CPPED1: variants seen among roughly 807,000 people sequenced by gnomAD.
CPPED1 encodes the protein serine/threonine-protein phosphatase CPPED1.
CPPED1 carries 28 observed loss-of-function variants against 28.0 expected under a neutral mutation model. The observed-to-expected ratio is 1.00, with a 90% confidence interval of 0.74 to 1.37. The LOEUF (loss-of-function observed/expected upper bound fraction) is 1.37, where lower values mean the gene tolerates loss of function less well. Ranked by LOEUF, CPPED1 falls within the 40% of genes most tolerant of loss-of-function variation. The probability of loss-of-function intolerance (pLI) is 0.00; values close to 1 mark genes in which losing one functional copy is unlikely to be tolerated. For missense variants in CPPED1, 504 were observed against 416.5 expected (o/e 1.21, Z -1.83); for synonymous variants, 198 against 180.2 (o/e 1.10, Z -0.79).
At chr16:12,718,141 A>G (rs902858711) in intron 2 of CPPED1, among the ~76,000 whole-genome samples, 2 of 152,192 alleles carry the variant, frequency 1.3e-5, no homozygotes, top group Admixed American at 6.5e-5. Context: ...ATGAATTTCA[A>G]TGTTGAGATA....
intron 3 of CPPED1, among the ~76,000 whole-genome samples, chr16:12,689,674 G>A (rs775154677): frequency 1.3e-5 from 2 of 152,044 alleles, no homozygotes; most frequent in Non-Finnish European, 2.9e-5. Context: ...TCACAAAGCC[G>A]AAGGAAACGA....
intron 2 of CPPED1, among the ~76,000 whole-genome samples, chr16:12,748,198 T>G (rs1351858188): frequency 1.3e-5 from 2 of 152,220 alleles, no homozygotes; most frequent in Non-Finnish European, 2.9e-5. Context: ...AGCAAAAGGC[T>G]GAAAACAACC....
chr16:12,711,855 T>C (rs1192108346), intron 2 of CPPED1, among the ~76,000 whole-genome samples: 1 of 152,180 alleles, frequency 6.6e-6, no homozygotes, highest in Non-Finnish European at 1.5e-5. Flanking sequence ...TGAGATCATG[T>C]ATTTAAAGTG....
intron 2 of CPPED1, among the ~76,000 whole-genome samples, chr16:12,777,807 T>G (rs549047924): frequency 7.0e-6 from 1 of 142,582 alleles, no homozygotes; most frequent in African/African-American, 2.5e-5. Context: ...CACACAGACA[T>G]TTTTGTGGAT....
chr16:12,721,131 C>T (rs1436703703), intron 2 of CPPED1, among the ~76,000 whole-genome samples: 5 of 152,172 alleles, frequency 3.3e-5, no homozygotes, highest in South Asian at 4.1e-4. Context: ...CACGTTACCA[C>T]GATTATTTTT....
chr16:12,780,066 G>A (rs1364087554), intron 2 of CPPED1, among the ~76,000 whole-genome samples: 1 of 152,152 alleles, frequency 6.6e-6, no homozygotes, highest in East Asian at 1.9e-4. Context: ...TTTTTCGGGG[G>A]AGACTGTCCT....
At chr16:12,789,346 T>C (rs1338697028) in intron 1 of CPPED1, among the ~76,000 whole-genome samples, 2 of 152,144 alleles carry the variant, frequency 1.3e-5, no homozygotes, top group Non-Finnish European at 2.9e-5. Context: ...GGAAAATACA[T>C]TGACTGAAAT....
At chr16:12,733,099 G>A (rs1281261199) in intron 2 of CPPED1, among the ~76,000 whole-genome samples, 3 of 152,156 alleles carry the variant, frequency 2.0e-5, no homozygotes, top group African/African-American at 7.2e-5. Context: ...AGAAGAGTCT[G>A]AGGTTGAATT....
chr16:12,726,987 G>C (rs906943536), intron 2 of CPPED1, among the ~76,000 whole-genome samples: 2 of 152,106 alleles, frequency 1.3e-5, no homozygotes, highest in African/African-American at 4.8e-5. Flanking sequence ...TTATGCCAGA[G>C]CTGTCAGGGG....
chr16:12,698,720 T>C (rs1404531472), intron 3 of CPPED1, among the ~76,000 whole-genome samples: 5 of 152,204 alleles, frequency 3.3e-5, no homozygotes, highest in Admixed American at 6.5e-5. Flanking sequence ...TGTGAGCCAC[T>C]GCACCTGCCA....
At chr16:12,796,505 C>CA (rs1349046573) in intron 1 of CPPED1, among the ~76,000 whole-genome samples, 16 of 151,234 alleles carry the variant, frequency 1.1e-4, no homozygotes, top group African/African-American at 1.7e-4. Context: ...AAAAAAACAA[C>CA]AAAAAAAACT....
intron 2 of CPPED1, among the ~76,000 whole-genome samples, chr16:12,766,955 C>A (rs1235383876): frequency 6.6e-6 from 1 of 151,928 alleles, no homozygotes; most frequent in South Asian, 2.1e-4. Context: ...AACACAAGAG[C>A]ATTCAGATCC....
intron 2 of CPPED1, among the ~76,000 whole-genome samples, chr16:12,718,432 G>A (rs1481851401): frequency 6.6e-6 from 1 of 151,186 alleles, no homozygotes; most frequent in African/African-American, 2.4e-5. Context: ...CCAGCTACTT[G>A]AGAGGCTGAG....
intron 2 of CPPED1, chr16:12,746,055 A>G (rs1417337606): frequency 2.0e-5 from 3 of 152,186 alleles, no homozygotes; most frequent in Non-Finnish European, 4.4e-5. Flanking sequence ...TGAAAAATCA[A>G]TACAAAACAA....
At chr16:12,778,531 G>A (rs535579578) in intron 2 of CPPED1, among the ~76,000 whole-genome samples, 10 of 152,164 alleles carry the variant, frequency 6.6e-5, no homozygotes, top group East Asian at 1.9e-4. Context: ...CCACCTTGGC[G>A]TCCCAAAGTA....
At chr16:12,700,906 G>A (rs1209974676) in intron 3 of CPPED1, among the ~76,000 whole-genome samples, 1 of 152,086 alleles carries the variant, frequency 6.6e-6, no homozygotes. Context: ...GTGGGGAGGA[G>A]GGGAGAGCCT....
chr16:12,740,480 T>C (rs1442112968), intron 2 of CPPED1, among the ~76,000 whole-genome samples: 1 of 151,280 alleles, frequency 6.6e-6, no homozygotes, highest in Non-Finnish European at 1.5e-5. Context: ...TAAAAACCCG[T>C]AGCCAAAAGT....
In CPPED1 at chr16:12,780,336, T is replaced by A. The variant is rs552441117; in HGVS notation, c.289+849A>T. Reference sequence around the variant, plus strand: ...CTGGGACTACATGCACCACCACGTCTGGCTAATTTTTGTATTTTTAGTAGA... The same window carrying A: ...CTGGGACTACATGCACCACCACGTCAGGCTAATTTTTGTATTTTTAGTAGA... On this transcript the variant is annotated intron_variant, in intron 2 of 3. Coordinates refer to ENST00000381774, the MANE Select transcript of CPPED1 (RefSeq NM_018340.3). Among the ~76,000 whole-genome samples, 10 of 152,114 alleles carry A rather than the reference T, an allele frequency of 6.6e-5. No homozygotes were observed. The South Asian group carries it at 2.1e-3, about 32-fold the overall frequency.
intron 3 of CPPED1, 32 bp from the exon 4 acceptor site, chr16:12,665,147 C>T (rs539990158): frequency 2.1e-5 from 33 of 1,573,842 alleles, no homozygotes; most frequent in East Asian, 6.9e-5. Flanking sequence ...ATTAGGGGGC[C>T]GAGGACTTCC....
Sources: gnomAD v4.1 joint callset for allele counts (sites outside exome capture counted in the v4.1 genomes callset) on GRCh38, gnomAD v4.1.1 for gene constraint, MANE v1.5 for transcripts, NCBI Gene and HGNC (gene_info 2026-07-23, HGNC 2026-07-21) for gene names.